CLUL1: variants seen among roughly 807,000 people sequenced by gnomAD.
CLUL1 encodes the protein clusterin-like protein 1.
In CLUL1, 43 loss-of-function variants were observed where a neutral mutation model predicts 49.4. That is an observed-to-expected ratio of 0.87 (90% confidence interval 0.68 to 1.12). The LOEUF (loss-of-function observed/expected upper bound fraction) is 1.12. Ranked by LOEUF, CLUL1 falls within the 50% of genes most tolerant of loss-of-function variation. The pLI is 0.00. For missense variants in CLUL1, 486 were observed against 544.4 expected (o/e 0.89, Z 1.07); for synonymous variants, 192 against 184.9 (o/e 1.04, Z -0.31).
At chr18:624,572 T>C (rs1453621595) in intron 4 of CLUL1, among the ~76,000 whole-genome samples, 1 of 152,190 alleles carries the variant, frequency 6.6e-6, no homozygotes, top group Non-Finnish European at 1.5e-5. Context: ...ATCTTCATTG[T>C]CAGGTCACCC....
At chr18:614,919 C>T (rs770628600) in intron 2 of CLUL1, 4 of 152,228 alleles carry the variant, frequency 2.6e-5, no homozygotes, top group Non-Finnish European at 5.9e-5. Context: ...AAGTCTAACT[C>T]AAGGGTGACA....
At chr18:645,658 G>C (rs1007468565) in intron 9 of CLUL1, among the ~76,000 whole-genome samples, 2 of 149,804 alleles carry the variant, frequency 1.3e-5, no homozygotes, top group South Asian at 4.2e-4. Flanking sequence ...GCCGGGCGTG[G>C]TGGCGGGCGC....
intron 1 of CLUL1, among the ~76,000 whole-genome samples, chr18:598,937 CTGTT>C (rs1317022334): frequency 3.3e-5 from 5 of 152,044 alleles, no homozygotes; most frequent in African/African-American, 1.2e-4. Flanking sequence ...CCATTGTTGT[CTGTT>C]AACAGCTTTT....
At chr18:613,198 C>T (rs951153095) in intron 2 of CLUL1, 6 of 474,258 alleles carry the variant, frequency 1.3e-5, no homozygotes, top group Admixed American at 3.8e-5. Flanking sequence ...GAGTGCACTG[C>T]TGCAATCTCA....
At chr18:615,718 CT>C in intron 2 of CLUL1, among the ~76,000 whole-genome samples, 1 of 152,158 alleles carries the variant, frequency 6.6e-6, no homozygotes, top group Non-Finnish European at 1.5e-5. Flanking sequence ...TGACATTAGG[CT>C]GTTTAAAATA....
intron 6 of CLUL1, among the ~76,000 whole-genome samples, chr18:628,803 T>C (rs1457744174): frequency 1.3e-5 from 2 of 151,746 alleles, no homozygotes; most frequent in Non-Finnish European, 2.9e-5. Flanking sequence ...GGCTAATTTT[T>C]GTATTTTTAG....
At chr18:639,658 G>A (rs1208647922) in intron 7 of CLUL1, among the ~76,000 whole-genome samples, 33 of 150,346 alleles carry the variant, frequency 2.2e-4, no homozygotes, top group Admixed American at 1.9e-3. Context: ...CCAGCTACTC[G>A]GGAGGCTGAG....
At position 645,028 on chromosome 18, in the gene CLUL1, A is replaced by G. The variant is rs200389668; in HGVS notation, c.1328A>G (p.Glu443Gly). Residue 443 changes from glutamate (E) to glycine (G), a missense_variant, in exon 9 of 10, where the codon GAG becomes GGG. Transcript: ENST00000692774. Reference protein sequence around the residue: ...TLKIPLEESAESSNFIGYVVA... With the variant: ...TLKIPLEESAGSSNFIGYVVA... ...AAGATCCCTCTTGAAGAAAGTGCTG[A>G]GAGTTCTAACTTCATTGGCTACGTA... The G allele has an allele frequency of 1.9e-6, 3 of 1,613,640 alleles. No homozygotes were observed. In the Admixed American group the frequency reaches 5.0e-5, roughly 27 times the overall value.
intron 7 of CLUL1, among the ~76,000 whole-genome samples, chr18:634,296 A>AT (rs563900091): frequency 5.3e-5 from 8 of 151,732 alleles, no homozygotes; most frequent in East Asian, 1.9e-4. Context: ...CGCCCGGCTA[A>AT]TTTTTTTTGT....
chr18:641,072 G>A (rs1457497697), intron 7 of CLUL1, among the ~76,000 whole-genome samples: 1 of 152,030 alleles, frequency 6.6e-6, no homozygotes, highest in Non-Finnish European at 1.5e-5. Context: ...GTAGGCATGT[G>A]GAATTTATAA....
At chr18:626,939 G>A (rs1452749158) in intron 5 of CLUL1, among the ~76,000 whole-genome samples, 158 bp from the exon 6 acceptor site, 948 of 2,198 alleles carry the variant, frequency 0.43, 325 homozygotes, top group South Asian at 0.71. Flanking sequence ...AGGAAAGAAG[G>A]AAAGAAGGAA....
chr18:641,097 C>T (rs769944455), intron 7 of CLUL1, among the ~76,000 whole-genome samples: 2 of 152,146 alleles, frequency 1.3e-5, no homozygotes, highest in Non-Finnish European at 2.9e-5. Context: ...AGTTCTGTCT[C>T]CAGCCCAGTT....
At chr18:647,095 T>C (rs2074529642) in intron 9 of CLUL1, among the ~76,000 whole-genome samples, 1 of 151,994 alleles carries the variant, frequency 6.6e-6, no homozygotes, top group East Asian at 1.9e-4. Flanking sequence ...AATATATAAA[T>C]GTAGATACAC....
At chr18:615,937 G>A (rs1313448731) in intron 2 of CLUL1, among the ~76,000 whole-genome samples, 3 of 152,178 alleles carry the variant, frequency 2.0e-5, no homozygotes, top group Admixed American at 6.5e-5. Flanking sequence ...GTCATAGGGC[G>A]CCTAAAAGGC....
In CLUL1 at chr18:641,560, A is replaced by G; in HGVS notation, c.1209+19A>G. The G allele has an allele frequency of 6.3e-7, 1 of 1,599,464 alleles. No homozygotes were observed. The highest frequency in any genetic ancestry group is 8.6e-7 in the Non-Finnish European group (1 of 1,167,198). On this transcript the variant is annotated intron_variant, in intron 8 of 9. Transcript: ENST00000692774. ...AATACAGGTAAAGGAGAGACCCAAG[A>G]GCAGATACGGAAATGACACGTGCAT...
chr18:643,419 A>T (rs1016588883), intron 8 of CLUL1, among the ~76,000 whole-genome samples: 2 of 152,230 alleles, frequency 1.3e-5, no homozygotes, highest in Non-Finnish European at 2.9e-5. Flanking sequence ...AATATATTTG[A>T]TCATCCTCGC....
rs138925320 is a variant in CLUL1, at chr18:633,728, T to A, written c.994+293T>A. Among the ~76,000 whole-genome samples the A allele has an allele frequency of 4.5e-4, 69 of 152,144 alleles. 1 individual carries two copies. The East Asian group carries it at 0.011, about 24-fold the overall frequency. On this transcript the variant is annotated intron_variant, in intron 7 of 9. Coordinates refer to ENST00000692774, the MANE Select transcript of CLUL1 (RefSeq NM_001393344.1). ...ACCGCACAGGCTAGACTAATTCCCA[T>A]TGGCTAATTTAAAGAGAGTGACGAG...
chr18:601,855 C>A (rs1436314590), intron 1 of CLUL1, among the ~76,000 whole-genome samples: 1 of 151,986 alleles, frequency 6.6e-6, no homozygotes, highest in African/African-American at 2.4e-5. Context: ...AATAAATGAA[C>A]ACATAAATTA....
chr18:645,806 AAAAAATATATATATATATATATATATAT>A (rs1375200424), intron 9 of CLUL1, among the ~76,000 whole-genome samples: 4 of 51,840 alleles, frequency 7.7e-5, no homozygotes, highest in Non-Finnish European at 1.4e-4. Flanking sequence ...AAAAAAAAAA[AAAAAATATATATATATATATATATATAT>A]ATATATATAT....
Sources: gnomAD v4.1 joint callset for allele counts (sites outside exome capture counted in the v4.1 genomes callset) on GRCh38, gnomAD v4.1.1 for gene constraint, MANE v1.5 for transcripts, NCBI Gene and HGNC (gene_info 2026-07-23, HGNC 2026-07-21) for gene names.